The following EBF2 variants were observed in gnomAD, a reference collection of about 807,000 sequenced individuals.
EBF2 encodes transcription factor COE2.
Under a neutral mutation model 72.8 loss-of-function variants are expected in EBF2, and 21 were observed. The ratio of observed to expected loss-of-function variants is 0.29; its 90% CI spans 0.20 to 0.42. The LOEUF is 0.42. Ranked by LOEUF, EBF2 falls within the 10% of genes least tolerant of loss-of-function variation. The probability of loss-of-function intolerance (pLI) is 1.00; values close to 1 mark genes in which losing one functional copy is unlikely to be tolerated. For synonymous variants in EBF2, 299 were observed against 274.2 expected, an observed-to-expected ratio of 1.09 and a Z score of -0.89; for missense variants, 637 against 731.2, an observed-to-expected ratio of 0.87 and a Z score of 1.49.
intron 6 of EBF2, among the ~76,000 whole-genome samples, chr8:25,968,007 A>C (rs1804139936): frequency 6.6e-6 from 1 of 152,226 alleles, no homozygotes; most frequent in Admixed American, 6.5e-5. Context: ...TACAATATGC[A>C]CTTACAGTAT....
chr8:26,007,646 A>C (rs1014314208), intron 6 of EBF2, among the ~76,000 whole-genome samples: 2 of 152,192 alleles, frequency 1.3e-5, no homozygotes, highest in Non-Finnish European at 2.9e-5. Context: ...TCACCCCTGC[A>C]TGAAGCTCCT....
At chr8:26,034,891 C>T (rs1190308980) in intron 5 of EBF2, among the ~76,000 whole-genome samples, 1 of 152,182 alleles carries the variant, frequency 6.6e-6, no homozygotes, top group East Asian at 1.9e-4. Context: ...TGGGAATCAG[C>T]GTTCTGGTGT....
chr8:26,002,826 ACAGGCAGGCAGGCAGG>A (rs765733160), intron 6 of EBF2, among the ~76,000 whole-genome samples: 3 of 148,410 alleles, frequency 2.0e-5, no homozygotes, highest in Non-Finnish European at 4.5e-5. Context: ...AGCCAACGGG[ACAGGCAGGCAGGCAGG>A]CAGGCAGGCA....
At chr8:25,911,396 T>C (rs1380132376) in intron 6 of EBF2, among the ~76,000 whole-genome samples, 1 of 152,226 alleles carries the variant, frequency 6.6e-6, no homozygotes, top group Non-Finnish European at 1.5e-5. Flanking sequence ...ATCACAGGTT[T>C]ATCCTCATGT....
At chr8:26,005,952 C>A (rs140932922) in intron 6 of EBF2, among the ~76,000 whole-genome samples, 1 of 152,138 alleles carries the variant, frequency 6.6e-6, no homozygotes, top group East Asian at 1.9e-4. Flanking sequence ...ATGGTCAGGG[C>A]CTCCATGCAG....
chr8:25,961,364 T>C (rs748047325), intron 6 of EBF2, among the ~76,000 whole-genome samples: 24 of 152,084 alleles, frequency 1.6e-4, no homozygotes, highest in Non-Finnish European at 5.9e-5. Flanking sequence ...AAATATGAGG[T>C]TTTTTGTTTT....
At chr8:26,000,742 A>G (rs1804709089) in intron 6 of EBF2, among the ~76,000 whole-genome samples, 1 of 152,216 alleles carries the variant, frequency 6.6e-6, no homozygotes, top group Admixed American at 6.5e-5. Context: ...TGAAATATCA[A>G]CAAAAGGATA....
chr8:25,989,481 T>C (rs140507854), intron 6 of EBF2, among the ~76,000 whole-genome samples: 1 of 152,380 alleles, frequency 6.6e-6, no homozygotes, highest in Non-Finnish European at 1.5e-5. Context: ...AGTATGTTAT[T>C]TGGCATAGGA....
intron 6 of EBF2, among the ~76,000 whole-genome samples, chr8:25,955,496 C>T (rs1248529730): frequency 6.6e-6 from 1 of 151,948 alleles, no homozygotes; most frequent in Non-Finnish European, 1.5e-5. Flanking sequence ...GATTTTACCA[C>T]TATAAAAAAT....
chr8:25,971,353 C>A (rs1804186937), intron 6 of EBF2, among the ~76,000 whole-genome samples: 1 of 128,976 alleles, frequency 7.8e-6, no homozygotes, highest in African/African-American at 2.7e-5. Flanking sequence ...AGAGTTCAGT[C>A]TCATTTTGCA....
At chr8:25,864,932 G>C (rs1488189198) in intron 10 of EBF2, among the ~76,000 whole-genome samples, 2 of 151,762 alleles carry the variant, frequency 1.3e-5, no homozygotes, top group East Asian at 3.9e-4. Flanking sequence ...TGAGTAGCTG[G>C]GCTTACAGGC....
At chr8:25,919,733 A>T (rs1207661621) in intron 6 of EBF2, among the ~76,000 whole-genome samples, 2 of 152,216 alleles carry the variant, frequency 1.3e-5, no homozygotes, top group African/African-American at 4.8e-5. Context: ...CCGGGAGCAG[A>T]TGCCAGGGGT....
At chr8:26,013,420 C>G (rs1415562635) in intron 6 of EBF2, among the ~76,000 whole-genome samples, 3 of 152,124 alleles carry the variant, frequency 2.0e-5, no homozygotes, top group African/African-American at 4.8e-5. Flanking sequence ...GGTGCCTGCT[C>G]TAAGTGGAGT....
At chr8:25,990,736 C>A (rs1208814477) in intron 6 of EBF2, among the ~76,000 whole-genome samples, 1 of 152,178 alleles carries the variant, frequency 6.6e-6, no homozygotes, top group Non-Finnish European at 1.5e-5. Context: ...TGCTAACTAG[C>A]CCACATAGTT....
intron 6 of EBF2, among the ~76,000 whole-genome samples, chr8:25,972,708 G>A (rs373366599): frequency 2.4e-4 from 37 of 152,206 alleles, no homozygotes; most frequent in East Asian, 1.4e-3. Context: ...CAATGTTCCC[G>A]GGCACTGTGC....
intron 7 of EBF2, among the ~76,000 whole-genome samples, chr8:25,902,332 T>C (rs770597711): frequency 1.7e-4 from 26 of 152,130 alleles, no homozygotes; most frequent in African/African-American, 4.8e-4. Flanking sequence ...TTTTCCTTCA[T>C]TGAGCTGTTA....
Position 25,945,906 on chromosome 8 carries a change from A to G in EBF2, c.552-37351T>C, listed in dbSNP as rs1402880403. 3.3e-5 allele frequency among the ~76,000 whole-genome samples: 5 copies of G among 151,966 alleles called. No homozygotes were observed. The East Asian group carries it at 9.7e-4, about 30-fold the overall frequency. ...TCTAAAGGTGGGAGAACTTTTTACTATTAATAAAGAATGCTGAAGTCTGGT... is the reference window on the plus strand; with the variant it reads ...TCTAAAGGTGGGAGAACTTTTTACTGTTAATAAAGAATGCTGAAGTCTGGT... On this transcript the variant is annotated intron_variant, in intron 6 of 15. Transcript: ENST00000520164.
intron 6 of EBF2, among the ~76,000 whole-genome samples, chr8:25,954,446 C>T (rs1255980750): frequency 2.0e-5 from 3 of 152,208 alleles, no homozygotes; most frequent in African/African-American, 4.8e-5. Flanking sequence ...CTGCCAGGTG[C>T]AGAGAGCACA....
At chr8:25,958,666 C>T (rs1279693118) in intron 6 of EBF2, among the ~76,000 whole-genome samples, 1 of 152,184 alleles carries the variant, frequency 6.6e-6, no homozygotes, top group Admixed American at 6.5e-5. Context: ...GGAAGGTTCC[C>T]TGTTGAGTGC....
Sources: gnomAD v4.1 joint callset for allele counts (sites outside exome capture counted in the v4.1 genomes callset) on GRCh38, gnomAD v4.1.1 for gene constraint, MANE v1.5 for transcripts, NCBI Gene and HGNC (gene_info 2026-07-23, HGNC 2026-07-21) for gene names.